RBFOX1: variants seen among roughly 807,000 people sequenced by gnomAD.
RBFOX1 encodes RNA binding protein fox-1 homolog 1.
A neutral mutation model predicts 57.7 loss-of-function variants in RBFOX1; 8 were observed. The ratio of observed to expected loss-of-function variants is 0.14; its 90% CI spans 0.08 to 0.25. The LOEUF (loss-of-function observed/expected upper bound fraction) is 0.25, where lower values mean the gene tolerates loss of function less well. Among genes scored for constraint, RBFOX1 ranks in the 10% least tolerant of loss-of-function variants. The probability of loss-of-function intolerance (pLI) is 1.00; values close to 1 mark genes in which losing one functional copy is unlikely to be tolerated. For missense variants in RBFOX1, 611 were observed against 548.5 expected (o/e 1.11, Z -1.14); for synonymous variants, 326 against 222.4 (o/e 1.47, Z -4.15).
At chr16:7,322,828 C>G (rs1281972820) in intron 4 of RBFOX1, among the ~76,000 whole-genome samples, 1 of 152,180 alleles carries the variant, frequency 6.6e-6, no homozygotes, top group Non-Finnish European at 1.5e-5. Flanking sequence ...TATCTGTCCT[C>G]CTCCTGCGTT....
At chr16:6,613,829 C>G (rs1334139485) in intron 2 of RBFOX1, among the ~76,000 whole-genome samples, 1 of 152,094 alleles carries the variant, frequency 6.6e-6, no homozygotes, top group Admixed American at 6.5e-5. Context: ...TCCCAGCTAC[C>G]TGGGAGGCTG....
chr16:5,598,104 C>T (rs1334741098), intron 2 of RBFOX1, among the ~76,000 whole-genome samples: 4 of 152,038 alleles, frequency 2.6e-5, no homozygotes, highest in Non-Finnish European at 5.9e-5. Flanking sequence ...CGAGACCAGC[C>T]TGGCCAACAT....
intron 3 of RBFOX1, among the ~76,000 whole-genome samples, chr16:7,031,466 C>T (rs1362177818): frequency 6.6e-6 from 1 of 151,958 alleles, no homozygotes; most frequent in Non-Finnish European, 1.5e-5. Context: ...CATGGTGGCA[C>T]ATGCCTGTAG....
chr16:7,461,418 A>G (rs966142719), intron 4 of RBFOX1, among the ~76,000 whole-genome samples: 7 of 152,112 alleles, frequency 4.6e-5, no homozygotes, highest in African/African-American at 1.7e-4. Context: ...CGCTCACCTT[A>G]GCCTCCCAAA....
chr16:5,436,905 A>T (rs1220526859), intron 1 of RBFOX1, among the ~76,000 whole-genome samples: 2 of 152,066 alleles, frequency 1.3e-5, no homozygotes, highest in Non-Finnish European at 2.9e-5. Flanking sequence ...ATCCCAAGCC[A>T]TGTCAATATG....
chr16:5,454,434 T>C (rs992695293), intron 1 of RBFOX1, among the ~76,000 whole-genome samples: 6 of 152,244 alleles, frequency 3.9e-5, no homozygotes, highest in African/African-American at 1.4e-4. Flanking sequence ...AGATATGTGG[T>C]TACATGTTAT....
chr16:6,888,898 A>G (rs750098301), intron 3 of RBFOX1, among the ~76,000 whole-genome samples: 1 of 152,142 alleles, frequency 6.6e-6, no homozygotes, highest in African/African-American at 2.4e-5. Context: ...TTATTTTAGC[A>G]TCTGAATTCA....
intron 1 of RBFOX1, among the ~76,000 whole-genome samples, chr16:5,255,364 C>CCATCCATG (rs1206684780): frequency 6.6e-6 from 1 of 151,712 alleles, no homozygotes; most frequent in East Asian, 1.9e-4. Flanking sequence ...CTCCATCCAT[C>CCATCCATG]CATCCATCCA....
At chr16:5,892,574 C>CAGAG (rs963149792) in intron 4 of RBFOX1, among the ~76,000 whole-genome samples, 9 of 152,102 alleles carry the variant, frequency 5.9e-5, no homozygotes, top group Non-Finnish European at 1.3e-4. Context: ...GAGAAGTAAG[C>CAGAG]AGAGAGGCAA....
intron 4 of RBFOX1, among the ~76,000 whole-genome samples, chr16:7,320,817 A>T (rs903127883): frequency 6.6e-6 from 1 of 152,252 alleles, no homozygotes; most frequent in African/African-American, 2.4e-5. Context: ...TACTTAGAGC[A>T]ACCGCACAAC....
intron 3 of RBFOX1, among the ~76,000 whole-genome samples, chr16:6,816,314 A>G (rs76560822): frequency 0.024 from 3,652 of 152,252 alleles, 154 homozygotes; most frequent in African/African-American, 0.082. Flanking sequence ...GTTGCAATCA[A>G]TCATTCAGTC....
chr16:7,477,660 A>C (rs900074835), intron 4 of RBFOX1, among the ~76,000 whole-genome samples: 18 of 152,186 alleles, frequency 1.2e-4, no homozygotes, highest in African/African-American at 4.3e-4. Flanking sequence ...ACTACATGCA[A>C]GTCAAGTCCA....
intron 10 of RBFOX1, among the ~76,000 whole-genome samples, chr16:7,628,453 G>C (rs2060422196): frequency 6.6e-6 from 1 of 152,106 alleles, no homozygotes; most frequent in Non-Finnish European, 1.5e-5. Flanking sequence ...GGGACTAACT[G>C]TCTTTCCTGG....
chr16:7,347,744 C>T (rs1006500724), intron 4 of RBFOX1, among the ~76,000 whole-genome samples: 5 of 152,166 alleles, frequency 3.3e-5, no homozygotes, highest in African/African-American at 1.2e-4. Flanking sequence ...TCGTATGTCT[C>T]AATCTTTATA....
rs1352048279 is a variant in RBFOX1 at position 6,941,292 on chromosome 16, CTCCCTCCCTCCTTCCTTCCTTCCT to C, written c.-15-110761_-15-110738del. Reference sequence around the variant, plus strand: ...CTCTCTCCCTCCCTTCCCTCCTTCCCTCCCTCCCTCCTTCCTTCCTTCCTTCCTTCCTTCCTTCCTTCCTTCCTT... The same window carrying C: ...CTCTCTCCCTCCCTTCCCTCCTTCCCTCCTTCCTTCCTTCCTTCCTTCCTT... On this transcript the variant is annotated intron_variant, in intron 3 of 15. Coordinates refer to ENST00000550418, the MANE Select transcript of RBFOX1 (RefSeq NM_018723.4). Among the ~76,000 whole-genome samples, 424 of 80,120 alleles carry C rather than the reference CTCCCTCCCTCCTTCCTTCCTTCCT, an allele frequency of 5.3e-3. 12 individuals are homozygous for C. Among genetic ancestry groups the C allele is most frequent in the African/African-American group, 0.021 (404 of 19,432 alleles). 52.6% of individuals were successfully genotyped at this position (80,120 alleles called of 152,430 possible).
intron 2 of RBFOX1, among the ~76,000 whole-genome samples, chr16:5,468,793 C>G (rs587388): frequency 0.15 from 23,567 of 152,198 alleles, 3,650 homozygotes; most frequent in African/African-American, 0.4. Flanking sequence ...GACCTGGATC[C>G]TCTCTGTGCT....
intron 4 of RBFOX1, among the ~76,000 whole-genome samples, chr16:6,007,534 C>T (rs754670220): frequency 2.0e-5 from 3 of 152,188 alleles, no homozygotes; most frequent in Non-Finnish European, 4.4e-5. Context: ...CCCAGTAGAG[C>T]CATGCTACTT....
chr16:5,807,263 G>A (rs2055260520), intron 3 of RBFOX1, among the ~76,000 whole-genome samples: 1 of 152,134 alleles, frequency 6.6e-6, no homozygotes, highest in Non-Finnish European at 1.5e-5. Context: ...CGGGGGCTGT[G>A]GATATGAATT....
intron 1 of RBFOX1, among the ~76,000 whole-genome samples, chr16:5,240,414 C>G (rs1181013449): frequency 2.6e-5 from 4 of 151,998 alleles, no homozygotes; most frequent in Non-Finnish European, 5.9e-5. Flanking sequence ...GGGGAAGGGG[C>G]GGGGGTTGCG....
Sources: gnomAD v4.1 joint callset for allele counts (sites outside exome capture counted in the v4.1 genomes callset) on GRCh38, gnomAD v4.1.1 for gene constraint, MANE v1.5 for transcripts, NCBI Gene and HGNC (gene_info 2026-07-23, HGNC 2026-07-21) for gene names.